BBS9: variants seen among roughly 807,000 people sequenced by gnomAD.
BBS9 encodes protein PTHB1.
A neutral mutation model predicts 117.7 loss-of-function variants in BBS9; 89 were observed. The observed-to-expected ratio is 0.76, with a 90% CI of 0.64 to 0.90. The LOEUF (loss-of-function observed/expected upper bound fraction) is 0.90. Ranked by LOEUF, BBS9 falls within the 40% of genes least tolerant of loss-of-function variation. The probability of loss-of-function intolerance (pLI) is 0.00; values close to 1 mark genes in which losing one functional copy is unlikely to be tolerated. For missense variants in BBS9, 982 were observed against 1,042.2 expected (o/e 0.94, Z 0.80); for synonymous variants, 379 against 370.9 (o/e 1.02, Z -0.25).
chr7:33,611,870 TATA>T lies in BBS9; in HGVS notation c.2522-23304_2522-23302del, dbSNP rs1002928990. Among the ~76,000 whole-genome samples the T allele has an allele frequency of 6.2e-4, 90 of 144,316 alleles. 1 individual carries two copies. Among genetic ancestry groups the T allele is most frequent in the African/African-American group, 1.7e-3 (65 of 39,368 alleles). The allele number at this position is 144,316 out of a possible 152,430, so 94.7% of individuals were successfully genotyped here. On this transcript the variant is annotated intron_variant, in intron 21 of 21. Coordinates refer to the BBS9 transcript ENST00000671952. ...ATATAATAATATATAAAGGAATAAA[TATA>T]ATCCTTTAATATTAAAGGATAAAAT...
At chr7:33,372,363 G>C (rs75048434) in intron 17 of BBS9, among the ~76,000 whole-genome samples, 1 of 152,120 alleles carries the variant, frequency 6.6e-6, no homozygotes, top group African/African-American at 2.4e-5. Flanking sequence ...AATCATGAAA[G>C]GATGTTGAAT....
At chr7:33,468,963 A>G (rs1840584305) in intron 19 of BBS9, among the ~76,000 whole-genome samples, 1 of 151,818 alleles carries the variant, frequency 6.6e-6, no homozygotes, top group African/African-American at 2.4e-5. Flanking sequence ...TGCTGCTTTA[A>G]ACAGGCATAC....
intron 5 of BBS9, among the ~76,000 whole-genome samples, chr7:33,192,367 T>C (rs2128193985): frequency 6.6e-6 from 1 of 152,326 alleles, no homozygotes; most frequent in African/African-American, 2.4e-5. Flanking sequence ...TTATAAGATA[T>C]TCCTAAATAT....
At chr7:33,466,876 T>C (rs1393863152) in intron 19 of BBS9, among the ~76,000 whole-genome samples, 1 of 152,092 alleles carries the variant, frequency 6.6e-6, no homozygotes, top group Non-Finnish European at 1.5e-5. Context: ...TCTGCCTCAG[T>C]GTGGAAATCT....
chr7:33,173,111 G>T (rs1490768942), intron 4 of BBS9, among the ~76,000 whole-genome samples: 1 of 152,172 alleles, frequency 6.6e-6, no homozygotes, highest in Non-Finnish European at 1.5e-5. Flanking sequence ...TGAGTTCAGA[G>T]TGGAGCCCAT....
intron 21 of BBS9, among the ~76,000 whole-genome samples, chr7:33,628,190 AC>A: frequency 6.6e-6 from 1 of 152,258 alleles, no homozygotes; most frequent in Middle Eastern, 3.4e-3. Flanking sequence ...CTGATACCCA[AC>A]CAGACAAAAA....
At chr7:33,303,526 C>CT (rs1554406623) in intron 9 of BBS9, among the ~76,000 whole-genome samples, 2 of 115,544 alleles carry the variant, frequency 1.7e-5, no homozygotes, top group East Asian at 2.9e-4. Context: ...ATCCCCTCCC[C>CT]CCGCCCCTTC....
At chr7:33,495,724 A>G (rs1425464038) in intron 19 of BBS9, among the ~76,000 whole-genome samples, 1 of 152,182 alleles carries the variant, frequency 6.6e-6, no homozygotes, top group Admixed American at 6.5e-5. Flanking sequence ...AAAAAAAGGT[A>G]AAAATAGTAA....
chr7:33,572,787 T>C (rs937712512), intron 21 of BBS9, among the ~76,000 whole-genome samples: 1 of 152,002 alleles, frequency 6.6e-6, no homozygotes, highest in Non-Finnish European at 1.5e-5. Flanking sequence ...TTTAATTGGA[T>C]TTTCTTTCTT....
intron 5 of BBS9, among the ~76,000 whole-genome samples, chr7:33,236,895 C>T (rs1793625856): frequency 6.6e-6 from 1 of 152,074 alleles, no homozygotes; most frequent in African/African-American, 2.4e-5. Flanking sequence ...CTAATTGAAA[C>T]TTTGTACCCT....
At chr7:33,161,220 A>G (rs1195376571) in intron 4 of BBS9, among the ~76,000 whole-genome samples, 1 of 152,014 alleles carries the variant, frequency 6.6e-6, no homozygotes, top group Non-Finnish European at 1.5e-5. Context: ...TGCTGCCACC[A>G]TTAACTCGTC....
chr7:33,606,004 A>G lies in BBS9; in HGVS notation c.*778A>G, dbSNP rs1436184271. 3.9e-5 allele frequency: 6 copies of G among 152,184 alleles called. No homozygotes were observed. Among genetic ancestry groups the G allele is most frequent in the African/African-American group, 9.6e-5 (4 of 41,460 alleles). The allele number at this position is 152,184 out of a possible 1,614,324, so 9.4% of individuals were successfully genotyped here. A position where few individuals can be genotyped will look rare whatever the true frequency, so the allele number is the denominator to read the frequency against. ...TGTAAGAAGTGAAAGAAACTTTGCT[A>G]ATTTCAAGTTCGAATTACAGTTGTG... is the stretch of plus-strand genomic sequence containing the variant. On this transcript the variant is annotated 3_prime_UTR_variant, in exon 23 of 23. Coordinates refer to ENST00000242067, the MANE Select transcript of BBS9 (RefSeq NM_198428.3).
At chr7:33,238,353 C>T (rs566320984) in intron 5 of BBS9, among the ~76,000 whole-genome samples, 63 of 151,982 alleles carry the variant, frequency 4.1e-4, no homozygotes, top group Non-Finnish European at 6.3e-4. Context: ...TGCAATGGCG[C>T]GATCTTAGCT....
chr7:33,372,986 C>T (rs1823139240), intron 17 of BBS9, among the ~76,000 whole-genome samples: 1 of 152,006 alleles, frequency 6.6e-6, no homozygotes, highest in African/African-American at 2.4e-5. Flanking sequence ...TCTGTAGTAT[C>T]AGATGTAATT....
Position 33,388,034 on chromosome 7 carries a change from A to G in BBS9, c.2005A>G (p.Arg669Gly). 6.2e-7 allele frequency: 1 copy of G among 1,614,162 alleles called. No homozygotes were observed. The highest frequency in any genetic ancestry group is 8.5e-7 in the Non-Finnish European group (1 of 1,179,994). ...GEKLEELLSE[R>G]AVQFRAIQRR... ...AAAATTAGAAGAACTCTTATCTGAGAGAGCTGTACAATTTCGGGCCATTCA... is the reference window on the plus strand; with the variant it reads ...AAAATTAGAAGAACTCTTATCTGAGGGAGCTGTACAATTTCGGGCCATTCA... Residue 669 changes from arginine (R) to glycine (G), a missense_variant, in exon 19 of 23, where the codon AGA (arginine) becomes GGA (glycine). Coordinates refer to ENST00000242067, the MANE Select transcript of BBS9 (RefSeq NM_198428.3).
At chr7:33,132,313 T>G in intron 1 of BBS9, among the ~76,000 whole-genome samples, 1 of 152,226 alleles carries the variant, frequency 6.6e-6, no homozygotes, top group East Asian at 1.9e-4. Flanking sequence ...TATTCAAGGA[T>G]ACCTGAATAA....
chr7:33,155,681 CT>C lies in BBS9; in HGVS notation c.310del (p.Cys104ValfsTer20), dbSNP rs747388658. On this transcript the variant is annotated frameshift_variant, in exon 4 of 23. Coordinates refer to ENST00000242067, the MANE Select transcript of BBS9 (RefSeq NM_198428.3). LOFTEE classifies it high-confidence loss of function. ...LHLAVLHSRK[L>X]CVYSVSGTLG... is the part of the protein sequence containing the mutation. ...TTTGGCTGTGTTACATTCTAGAAAACTTTGTGTCTACTCTGTCTCAGGTAAG... is the reference window on the plus strand; with the variant it reads ...TTTGGCTGTGTTACATTCTAGAAAACTTGTGTCTACTCTGTCTCAGGTAAG... 3.7e-5 allele frequency: 58 copies of C among 1,584,562 alleles called. 2 individuals carry two copies. The Admixed American group carries it at 9.2e-4, about 25-fold the overall frequency.
chr7:33,287,133 A>AT (rs2128388950), intron 9 of BBS9, among the ~76,000 whole-genome samples: 1 of 152,306 alleles, frequency 6.6e-6, no homozygotes, highest in East Asian at 1.9e-4. Context: ...GAGTGTAAAT[A>AT]TATAACTCTT....
intron 19 of BBS9, among the ~76,000 whole-genome samples, chr7:33,411,906 A>G (rs1428112467): frequency 6.6e-6 from 1 of 152,178 alleles, no homozygotes; most frequent in Non-Finnish European, 1.5e-5. Context: ...TGTTTTATAC[A>G]GATAATAATT....
Sources: allele counts gnomAD v4.1 joint callset (sites outside exome capture counted in the v4.1 genomes callset), GRCh38; gene constraint gnomAD v4.1.1; transcripts MANE v1.5; gene names NCBI Gene and HGNC (gene_info 2026-07-23, HGNC 2026-07-21).